COL19A1: variants seen among roughly 807,000 people sequenced by gnomAD.
COL19A1 encodes the protein collagen alpha-1(XIX) chain.
In COL19A1, 159 loss-of-function variants were observed where a neutral mutation model predicts 190.2. That is an observed-to-expected ratio of 0.84 (90% confidence interval 0.73 to 0.95). The LOEUF (loss-of-function observed/expected upper bound fraction) is 0.95. COL19A1 is among the 40% of genes least tolerant of loss of function. The probability of loss-of-function intolerance (pLI) is 0.00; values close to 1 mark genes in which losing one functional copy is unlikely to be tolerated. For synonymous variants in COL19A1, 509 were observed against 458.9 expected (o/e 1.11, Z -1.39); for missense variants, 1,418 against 1,431.9 (o/e 0.99, Z 0.16).
At chr6:69,978,368 A>G (rs760150678) in intron 11 of COL19A1, among the ~76,000 whole-genome samples, 12 of 152,148 alleles carry the variant, frequency 7.9e-5, no homozygotes, top group Admixed American at 2.0e-4. Context: ...TGAAAAATTT[A>G]TGATTCTTTG....
chr6:69,980,881 A>G (rs1775996117), intron 11 of COL19A1, among the ~76,000 whole-genome samples: 1 of 152,222 alleles, frequency 6.6e-6, no homozygotes, highest in Non-Finnish European at 1.5e-5. Context: ...AGGCATTCCC[A>G]TACATTGCTG....
At chr6:70,139,606 G>A (rs1786110446) in intron 19 of COL19A1, among the ~76,000 whole-genome samples, 1 of 152,050 alleles carries the variant, frequency 6.6e-6, no homozygotes, top group Non-Finnish European at 1.5e-5. Flanking sequence ...TTCCAGAACA[G>A]GATGTAGACT....
intron 2 of COL19A1, chr6:69,879,870 C>G (rs923164202): frequency 9.3e-5 from 50 of 535,848 alleles, no homozygotes; most frequent in Non-Finnish European, 1.6e-4. Flanking sequence ...GTATATTAGT[C>G]TATGTTTCCT....
chr6:69,920,750 C>G (rs944923071), intron 4 of COL19A1, among the ~76,000 whole-genome samples: 44 of 151,420 alleles, frequency 2.9e-4, no homozygotes, highest in African/African-American at 1.0e-3. Context: ...GGATAAATTA[C>G]ACTTAAATTT....
intron 15 of COL19A1, among the ~76,000 whole-genome samples, chr6:70,071,159 G>A (rs1420263489): frequency 6.6e-6 from 1 of 152,020 alleles, no homozygotes; most frequent in Non-Finnish European, 1.5e-5. Context: ...TCAAACATGG[G>A]TGTCACATTT....
chr6:69,919,594 G>GA (rs1466859229), intron 4 of COL19A1, among the ~76,000 whole-genome samples: 2 of 151,866 alleles, frequency 1.3e-5, no homozygotes, highest in Non-Finnish European at 2.9e-5. Context: ...AATCAGATAG[G>GA]AAAAAATCTA....
intron 34 of COL19A1, among the ~76,000 whole-genome samples, chr6:70,158,846 G>C (rs557461177): frequency 6.6e-6 from 1 of 152,068 alleles, no homozygotes; most frequent in Non-Finnish European, 1.5e-5. Flanking sequence ...TTTTAGTTTG[G>C]CACTGTATGT....
At chr6:70,166,678 A>G (rs1765181925) in intron 37 of COL19A1, among the ~76,000 whole-genome samples, 1 of 152,224 alleles carries the variant, frequency 6.6e-6, no homozygotes, top group Non-Finnish European at 1.5e-5. Flanking sequence ...GGCAGAATTG[A>G]CCGTGACTTT....
intron 14 of COL19A1, among the ~76,000 whole-genome samples, chr6:70,046,048 G>A (rs1779894263): frequency 1.3e-5 from 2 of 152,094 alleles, no homozygotes; most frequent in South Asian, 2.1e-4. Flanking sequence ...GGGCCATCCT[G>A]GAAGCCCATT....
intron 11 of COL19A1, among the ~76,000 whole-genome samples, chr6:69,999,161 G>A (rs893115642): frequency 6.6e-6 from 1 of 151,624 alleles, no homozygotes; most frequent in Non-Finnish European, 1.5e-5. Context: ...CTGACCTCAT[G>A]ATCTGCCCAC....
intron 4 of COL19A1, among the ~76,000 whole-genome samples, chr6:69,906,981 G>A (rs1309429168): frequency 1.3e-5 from 2 of 151,880 alleles, no homozygotes; most frequent in African/African-American, 2.4e-5. Context: ...CCAAAATATG[G>A]ACAAAACTGT....
At chr6:69,912,350 C>T (rs189165837) in intron 4 of COL19A1, among the ~76,000 whole-genome samples, 2 of 152,268 alleles carry the variant, frequency 1.3e-5, no homozygotes, top group East Asian at 1.9e-4. Flanking sequence ...AACATCAATG[C>T]GTAAATTGAT....
chr6:70,152,298 A>T (rs1285665215), intron 31 of COL19A1, among the ~76,000 whole-genome samples: 1 of 152,076 alleles, frequency 6.6e-6, no homozygotes, highest in Admixed American at 6.6e-5. Context: ...TATTTCTAGC[A>T]TTTAGCCCAG....
chr6:70,190,173 A>G, intron 47 of COL19A1, 142 bp from the exon 48 acceptor site: 1 of 653,832 alleles, frequency 1.5e-6, no homozygotes. Flanking sequence ...TTTATTGCCC[A>G]ATATAATCAA....
intron 11 of COL19A1, among the ~76,000 whole-genome samples, chr6:69,998,535 A>C (rs937401718): frequency 1.3e-5 from 2 of 151,636 alleles, no homozygotes; most frequent in African/African-American, 4.8e-5. Context: ...AATCCCAGCA[A>C]CTCAGGAGGC....
intron 11 of COL19A1, among the ~76,000 whole-genome samples, chr6:70,002,226 T>C (rs1338110285): frequency 6.6e-6 from 1 of 152,214 alleles, no homozygotes; most frequent in Non-Finnish European, 1.5e-5. Context: ...AACTTGATCA[T>C]GGTGGATACG....
At chr6:69,993,217 T>C (rs1215280184) in intron 11 of COL19A1, among the ~76,000 whole-genome samples, 1 of 152,094 alleles carries the variant, frequency 6.6e-6, no homozygotes, top group African/African-American at 2.4e-5. Context: ...AAGATGATCA[T>C]GTGGTTTTTG....
At chr6:69,903,629 CT>C (rs1176909173) in intron 4 of COL19A1, among the ~76,000 whole-genome samples, 1 of 152,208 alleles carries the variant, frequency 6.6e-6, no homozygotes, top group Non-Finnish European at 1.5e-5. Context: ...CTATTACTAA[CT>C]GCTTTTCTAT....
At chr6:70,109,868 C>T (rs1004315271) in intron 16 of COL19A1, among the ~76,000 whole-genome samples, 2 of 152,048 alleles carry the variant, frequency 1.3e-5, no homozygotes, top group Non-Finnish European at 2.9e-5. Flanking sequence ...CTGATGTTTC[C>T]TTTCTGATAG....
Sources: allele counts gnomAD v4.1 joint callset (sites outside exome capture counted in the v4.1 genomes callset), GRCh38; gene constraint gnomAD v4.1.1; transcripts MANE v1.5; gene names NCBI Gene and HGNC (gene_info 2026-07-23, HGNC 2026-07-21).